DAB1: variants seen among roughly 807,000 people sequenced by gnomAD.
DAB1 encodes DAB adaptor protein 1, also known as disabled homolog 1.
Under a neutral mutation model 64.6 loss-of-function variants are expected in DAB1, and 15 were observed. The observed-to-expected ratio is 0.23, with a 90% CI of 0.16 to 0.36. The LOEUF (loss-of-function observed/expected upper bound fraction) is 0.36. Among genes scored for constraint, DAB1 ranks in the 10% least tolerant of loss-of-function variants. DAB1 has a pLI of 1.00. For missense variants in DAB1, 596 were observed against 706.7 expected (o/e 0.84, Z 1.78); for synonymous variants, 235 against 251.9 (o/e 0.93, Z 0.64).
chr1:58,178,817 C>T (rs950239898), intron 4 of DAB1, among the ~76,000 whole-genome samples: 3 of 152,112 alleles, frequency 2.0e-5, no homozygotes, highest in African/African-American at 7.2e-5. Context: ...AAATTTAACC[C>T]TTGCCAATTC....
intron 7 of DAB1, among the ~76,000 whole-genome samples, chr1:57,570,967 T>C (rs1302538254): frequency 6.6e-6 from 1 of 152,224 alleles, no homozygotes; most frequent in Non-Finnish European, 1.5e-5. Flanking sequence ...TTTGCAGCTA[T>C]TATAAATTGG....
intron 2 of DAB1, among the ~76,000 whole-genome samples, chr1:57,217,285 A>G (rs1456448818): frequency 6.6e-6 from 1 of 152,214 alleles, no homozygotes. Flanking sequence ...AATTAAAAAT[A>G]TGTTCTTTAA....
At chr1:58,541,878 T>C (rs1403524353) in intron 1 of DAB1, among the ~76,000 whole-genome samples, 2 of 152,172 alleles carry the variant, frequency 1.3e-5, no homozygotes, top group African/African-American at 2.4e-5. Flanking sequence ...TCAGCAATCA[T>C]TGTATCTCAG....
rs868358946 is a variant in DAB1, at chr1:58,192,982, T to G, written n.310-42394A>C. 3.2e-4 allele frequency among the ~76,000 whole-genome samples: 48 copies of G among 152,332 alleles called. 1 individual carries two copies. The highest frequency in any genetic ancestry group is 2.2e-3 in the Admixed American group (33 of 15,294). The stretch of plus-strand genomic sequence containing the variant: ...GATGGTAAATTTTGTGTTATTTGTA[T>G]TTTACCAATTAAATTTCTTTTAAAA... On this transcript the variant is annotated intron_variant and non_coding_transcript_variant, in intron 4 of 20. Transcript: ENST00000485760.
chr1:58,154,452 CTTCATTCATTCATTCA>C (rs143773624), intron 4 of DAB1, among the ~76,000 whole-genome samples: 2 of 151,064 alleles, frequency 1.3e-5, no homozygotes, highest in Non-Finnish European at 2.9e-5. Context: ...TCATGCAGTT[CTTCATTCATTCATTCA>C]TTCATTCATT....
At chr1:57,818,055 T>A (rs1651948128) in intron 6 of DAB1, among the ~76,000 whole-genome samples, 1 of 152,184 alleles carries the variant, frequency 6.6e-6, no homozygotes, top group African/African-American at 2.4e-5. Flanking sequence ...ATACTTGATA[T>A]TTAGATGGGT....
chr1:58,532,884 TTCAG>T (rs1452857600), intron 1 of DAB1, among the ~76,000 whole-genome samples: 2 of 152,178 alleles, frequency 1.3e-5, no homozygotes, highest in African/African-American at 2.4e-5. Context: ...GATAATTACT[TTCAG>T]TGTTTCAGAA....
At chr1:57,610,814 G>A (rs981243534) in intron 7 of DAB1, among the ~76,000 whole-genome samples, 12 of 152,172 alleles carry the variant, frequency 7.9e-5, no homozygotes, top group Admixed American at 5.2e-4. Flanking sequence ...CATGAGGTCC[G>A]TTTCTCAACA....
At chr1:58,360,749 T>C (rs181338718) in intron 3 of DAB1, among the ~76,000 whole-genome samples, 2 of 152,242 alleles carry the variant, frequency 1.3e-5, no homozygotes, top group East Asian at 3.9e-4. Context: ...TCAGGAGCAA[T>C]CACATTAGAA....
chr1:57,375,509 TTAAAG>T (rs1359953826), intron 1 of DAB1, among the ~76,000 whole-genome samples: 3 of 152,180 alleles, frequency 2.0e-5, no homozygotes, highest in Non-Finnish European at 2.9e-5. Context: ...TTTACGTAGA[TTAAAG>T]TAAATATCAG....
chr1:57,088,656 T>C (rs1373855220), intron 4 of DAB1, among the ~76,000 whole-genome samples: 3 of 152,158 alleles, frequency 2.0e-5, no homozygotes, highest in Non-Finnish European at 2.9e-5. Flanking sequence ...TCCCTGACTC[T>C]ACTCAAGCTC....
chr1:58,267,781 C>A (rs1209228128), intron 4 of DAB1, among the ~76,000 whole-genome samples: 2 of 152,122 alleles, frequency 1.3e-5, no homozygotes, highest in African/African-American at 4.8e-5. Flanking sequence ...ATTCCTAAAA[C>A]CCTCTTCGAA....
chr1:57,786,038 T>C (rs1355783731), intron 6 of DAB1, among the ~76,000 whole-genome samples: 1 of 152,136 alleles, frequency 6.6e-6, no homozygotes, highest in African/African-American at 2.4e-5. Flanking sequence ...TCAGCAGCTA[T>C]CAATATCAAA....
intron 3 of DAB1, among the ~76,000 whole-genome samples, chr1:58,455,381 A>G (rs1645183737): frequency 6.6e-6 from 1 of 152,220 alleles, no homozygotes; most frequent in Non-Finnish European, 1.5e-5. Context: ...TTAATACCCT[A>G]GGATTGCAGG....
intron 1 of DAB1, among the ~76,000 whole-genome samples, chr1:57,423,510 G>A (rs1265936335): frequency 6.6e-6 from 1 of 152,100 alleles, no homozygotes; most frequent in Non-Finnish European, 1.5e-5. Flanking sequence ...GAGGGAGGGA[G>A]GGAGTTTCGG....
At chr1:58,264,690 A>G (rs956661006) in intron 4 of DAB1, among the ~76,000 whole-genome samples, 2 of 152,200 alleles carry the variant, frequency 1.3e-5, no homozygotes, top group East Asian at 3.9e-4. Flanking sequence ...TTTTCATGCC[A>G]TTGAAGTGAC....
chr1:57,019,889 C>G lies in DAB1; in HGVS notation c.895+3642G>C, dbSNP rs368934049. On this transcript the variant is annotated intron_variant, in intron 11 of 14. Transcript: ENST00000371236. The stretch of plus-strand genomic sequence containing the variant: ...GTGATTTACAGCCAGATGCTGACAC[C>G]TGGGGATGCCCCCATTATTTGAAAA... Among the ~76,000 whole-genome samples the G allele has an allele frequency of 7.8e-4, 119 of 152,294 alleles. 1 individual carries two copies. The South Asian group carries it at 0.024, about 31-fold the overall frequency.
intron 4 of DAB1, among the ~76,000 whole-genome samples, chr1:58,226,029 A>G (rs894367700): frequency 6.6e-6 from 1 of 150,802 alleles, no homozygotes; most frequent in African/African-American, 2.4e-5. Flanking sequence ...AGGGAGCTTG[A>G]GCCAGGATTT....
At chr1:58,123,638 G>T (rs866436516) in intron 5 of DAB1, among the ~76,000 whole-genome samples, 1 of 152,102 alleles carries the variant, frequency 6.6e-6, no homozygotes, top group East Asian at 1.9e-4. Flanking sequence ...TAAGTAAAAA[G>T]GCCTGCTTAG....
Sources: gnomAD v4.1 joint callset for allele counts (sites outside exome capture counted in the v4.1 genomes callset) on GRCh38, gnomAD v4.1.1 for gene constraint, MANE v1.5 for transcripts, NCBI Gene and HGNC (gene_info 2026-07-23, HGNC 2026-07-21) for gene names.